Variants in SYT1 observed in about 807,000 individuals in gnomAD.
The protein encoded by SYT1 is synaptotagmin-1.
A neutral mutation model predicts 44.8 loss-of-function variants in SYT1; 8 were observed. The observed-to-expected ratio is 0.18, with a 90% CI of 0.10 to 0.32. The LOEUF is 0.32. Ranked by LOEUF, SYT1 falls within the 10% of genes least tolerant of loss-of-function variation. SYT1 has a pLI of 1.00. For missense variants in SYT1, 286 were observed against 509.3 expected (o/e 0.56, Z 4.22); for synonymous variants, 154 against 188.8 (o/e 0.82, Z 1.51).
At chr12:79,149,895 T>C (rs978230416) in intron 3 of SYT1, among the ~76,000 whole-genome samples, 10 of 152,204 alleles carry the variant, frequency 6.6e-5, no homozygotes, top group African/African-American at 2.4e-4. Context: ...CAAGCATCAT[T>C]TCTGACACAT....
intron 4 of SYT1, among the ~76,000 whole-genome samples, chr12:79,276,179 A>C (rs192038759): frequency 6.6e-6 from 1 of 152,192 alleles, no homozygotes; most frequent in Non-Finnish European, 1.5e-5. Flanking sequence ...ACACCCCCAA[A>C]AGATCACCCT....
At chr12:79,153,600 T>C (rs901701634) in intron 3 of SYT1, among the ~76,000 whole-genome samples, 2 of 152,120 alleles carry the variant, frequency 1.3e-5, no homozygotes, top group African/African-American at 4.8e-5. Context: ...CTTATGATAA[T>C]CAAACTATGC....
chr12:79,348,738 G>A (rs1005754810), intron 8 of SYT1, among the ~76,000 whole-genome samples: 4 of 152,044 alleles, frequency 2.6e-5, no homozygotes, highest in Admixed American at 2.0e-4. Context: ...AAAAATGGAG[G>A]TGGAGGTGAT....
At chr12:79,021,481 A>T (rs910790929) in intron 2 of SYT1, among the ~76,000 whole-genome samples, 9 of 151,884 alleles carry the variant, frequency 5.9e-5, no homozygotes, top group Non-Finnish European at 1.3e-4. Flanking sequence ...ATGAGCCTAA[A>T]ATACTGAAAA....
chr12:78,879,948 A>G (rs1368335946), intron 1 of SYT1, among the ~76,000 whole-genome samples: 1 of 151,666 alleles, frequency 6.6e-6, no homozygotes, highest in East Asian at 1.9e-4. Context: ...GTTAAATTCT[A>G]TGCAGCCTTC....
chr12:79,404,835 CAAG>C (rs1885190286), intron 9 of SYT1, among the ~76,000 whole-genome samples: 1 of 152,132 alleles, frequency 6.6e-6, no homozygotes, highest in Non-Finnish European at 1.5e-5. Context: ...AAAAGATTGT[CAAG>C]GAGCATATTT....
intron 2 of SYT1, among the ~76,000 whole-genome samples, chr12:78,996,054 G>A (rs1870358526): frequency 6.6e-6 from 1 of 151,994 alleles, no homozygotes; most frequent in Admixed American, 6.6e-5. Flanking sequence ...AATAACCCAG[G>A]TCTATCTCCA....
At chr12:79,326,620 A>G (rs765917705) in intron 8 of SYT1, among the ~76,000 whole-genome samples, 4 of 152,254 alleles carry the variant, frequency 2.6e-5, no homozygotes, top group Non-Finnish European at 4.4e-5. Context: ...ATGAAAGACC[A>G]TCTTCCTGCT....
intron 1 of SYT1, among the ~76,000 whole-genome samples, chr12:78,882,933 C>G (rs778074810): frequency 4.6e-5 from 7 of 151,412 alleles, no homozygotes; most frequent in Non-Finnish European, 7.4e-5. Context: ...CTTACATCCT[C>G]TGGGTGTGAA....
At chr12:79,420,136 G>A (rs1334021007) in intron 9 of SYT1, among the ~76,000 whole-genome samples, 1 of 152,058 alleles carries the variant, frequency 6.6e-6, no homozygotes, top group Admixed American at 6.6e-5. Flanking sequence ...AGCTCCTTGT[G>A]CAAATGTGGG....
At chr12:79,277,797 A>G (rs1878819161) in intron 4 of SYT1, among the ~76,000 whole-genome samples, 1 of 152,104 alleles carries the variant, frequency 6.6e-6, no homozygotes, top group Non-Finnish European at 1.5e-5. Context: ...ATTCTTACAG[A>G]GTCAAGATAA....
At chr12:79,070,144 A>G (rs1352001517) in intron 3 of SYT1, among the ~76,000 whole-genome samples, 2 of 152,134 alleles carry the variant, frequency 1.3e-5, no homozygotes, top group African/African-American at 4.8e-5. Context: ...ATATAACCGT[A>G]GTGGATCTAC....
intron 4 of SYT1, among the ~76,000 whole-genome samples, chr12:79,256,417 T>C (rs1877520300): frequency 1.3e-5 from 2 of 152,234 alleles, no homozygotes; most frequent in African/African-American, 4.8e-5. Flanking sequence ...CAGGGAATTT[T>C]TTTTCTTTGT....
intron 3 of SYT1, among the ~76,000 whole-genome samples, chr12:79,049,349 A>C (rs1401499660): frequency 6.6e-6 from 1 of 151,970 alleles, no homozygotes; most frequent in African/African-American, 2.4e-5. Flanking sequence ...TTTCCAAAGA[A>C]GAAATTATGC....
chr12:79,299,357 A>G (rs1880022397), intron 7 of SYT1, 27 bp from the exon 8 acceptor site: 2 of 1,608,752 alleles, frequency 1.2e-6, no homozygotes, highest in East Asian at 2.2e-5. Context: ...GTGACTGGAT[A>G]TTTTATCCTC....
chr12:79,238,906 T>C (rs901240324), intron 4 of SYT1, among the ~76,000 whole-genome samples: 2 of 152,238 alleles, frequency 1.3e-5, no homozygotes, highest in Non-Finnish European at 2.9e-5. Context: ...AAATTTGCGA[T>C]ATTTCCCCTG....
chr12:79,299,625 GA>G, intron 8 of SYT1, 74 bp downstream of exon 8: 1 of 1,539,400 alleles, frequency 6.5e-7, no homozygotes. Flanking sequence ...AACTTATTGA[GA>G]AATACTCTTT....
At chr12:78,955,673 C>G (rs1164630692) in intron 1 of SYT1, 1 of 152,036 alleles carries the variant, frequency 6.6e-6, no homozygotes, top group Non-Finnish European at 1.5e-5. Context: ...ACACAACATT[C>G]AAACCACAGC....
chr12:79,146,708 G>A (rs1869935853), intron 3 of SYT1, among the ~76,000 whole-genome samples: 1 of 152,136 alleles, frequency 6.6e-6, no homozygotes, highest in South Asian at 2.1e-4. Context: ...GAAATGATAT[G>A]GTAGAAGAAT....
Sources: allele counts gnomAD v4.1 joint callset (sites outside exome capture counted in the v4.1 genomes callset), GRCh38; gene constraint gnomAD v4.1.1; transcripts MANE v1.5; gene names NCBI Gene and HGNC (gene_info 2026-07-23, HGNC 2026-07-21).